PI4K2B: variants seen among roughly 807,000 people sequenced by gnomAD.
PI4K2B encodes phosphatidylinositol 4-kinase type 2 beta, also known as phosphatidylinositol 4-kinase type 2-beta.
PI4K2B carries 46 observed loss-of-function variants against 56.6 expected under a neutral mutation model. The ratio of observed to expected loss-of-function variants is 0.81; its 90% CI spans 0.64 to 1.04. The LOEUF is 1.04. Among genes scored for constraint, PI4K2B ranks in the 50% least tolerant of loss-of-function variants. PI4K2B has a pLI of 0.00. For missense variants in PI4K2B, 556 were observed against 607.7 expected, an observed-to-expected ratio of 0.91 and a Z score of 0.89; for synonymous variants, 211 against 223.8, an observed-to-expected ratio of 0.94 and a Z score of 0.51.
chr4:25,236,353 C>A (rs1016724526), intron 1 of PI4K2B, among the ~76,000 whole-genome samples: 1 of 152,076 alleles, frequency 6.6e-6, no homozygotes, highest in Non-Finnish European at 1.5e-5. Context: ...AGTTTTCAGA[C>A]CAGCCTGGCC....
At chr4:25,264,197 G>C (rs1463295111) in intron 7 of PI4K2B, among the ~76,000 whole-genome samples, 1 of 152,068 alleles carries the variant, frequency 6.6e-6, no homozygotes, top group Non-Finnish European at 1.5e-5. Context: ...AACAATTTAG[G>C]CCTGCCCTCC....
rs1215296162 is a variant in PI4K2B at position 25,278,263 on chromosome 4, T to C, written c.*1076T>C. On this transcript the variant is annotated 3_prime_UTR_variant, in exon 10 of 10. Transcript: ENST00000264864. ...TACTTTATTTTGAATATCATCCATATGTCTGACATTATTGGAATTTGTAAC... is the reference window on the plus strand; with the variant it reads ...TACTTTATTTTGAATATCATCCATACGTCTGACATTATTGGAATTTGTAAC... 2 of 152,222 alleles carry C rather than the reference T, an allele frequency of 1.3e-5. No individual in the cohort carries two copies. The highest frequency in any genetic ancestry group is 3.2e-3 in the Middle Eastern group (1 of 316). 9.4% of individuals were successfully genotyped at this position (152,222 alleles called of 1,614,324 possible).
intron 1 of PI4K2B, among the ~76,000 whole-genome samples, chr4:25,244,095 G>A (rs1715656717): frequency 6.6e-6 from 1 of 152,142 alleles, no homozygotes; most frequent in South Asian, 2.1e-4. Context: ...GGACATCTAT[G>A]TACCTATCAG....
chr4:25,255,393 C>A (rs1716225832), intron 3 of PI4K2B, 128 bp downstream of exon 3: 1 of 701,754 alleles, frequency 1.4e-6, no homozygotes, highest in Non-Finnish European at 2.4e-6. Context: ...GTCCAAGAGT[C>A]ATGAGTGACT....
rs560517628 is a variant in PI4K2B, at chr4:25,247,808, A to G, written c.269-4513A>G. Reference sequence around the variant, plus strand: ...TGCCTTGAACTCCTGGGCACAAGTGATCCTCCCACCTTAGCCTCTTGAGTA... The same window carrying G: ...TGCCTTGAACTCCTGGGCACAAGTGGTCCTCCCACCTTAGCCTCTTGAGTA... On this transcript the variant is annotated intron_variant, in intron 1 of 9. Coordinates refer to ENST00000264864, the MANE Select transcript of PI4K2B (RefSeq NM_018323.4). 3.3e-3 allele frequency among the ~76,000 whole-genome samples: 505 copies of G among 152,128 alleles called. 3 individuals are homozygous for G. Among genetic ancestry groups the G allele is most frequent in the Non-Finnish European group, 5.2e-3 (354 of 67,996 alleles).
At chr4:25,242,741 G>C (rs964301976) in intron 1 of PI4K2B, among the ~76,000 whole-genome samples, 2 of 152,186 alleles carry the variant, frequency 1.3e-5, no homozygotes, top group African/African-American at 4.8e-5. Context: ...ACCAGATATT[G>C]CCTTTGGTAA....
intron 7 of PI4K2B, chr4:25,267,817 A>T (rs1716721493): frequency 2.1e-6 from 2 of 969,234 alleles, no homozygotes; most frequent in Non-Finnish European, 2.5e-6. Context: ...AAAATGACTC[A>T]CCCATTTACC....
chr4:25,248,645 G>C (rs1306486099), intron 1 of PI4K2B, among the ~76,000 whole-genome samples: 1 of 150,260 alleles, frequency 6.7e-6, no homozygotes, highest in Non-Finnish European at 1.5e-5. Flanking sequence ...AAATGATTTT[G>C]TACATAAAGT....
At chr4:25,260,493 A>T in intron 5 of PI4K2B, 31 bp from the exon 6 acceptor site, 1 of 1,011,182 alleles carries the variant, frequency 9.9e-7, no homozygotes, top group Non-Finnish European at 1.4e-6. Context: ...CATAGAAATG[A>T]AGTAACAGAT....
intron 1 of PI4K2B, among the ~76,000 whole-genome samples, chr4:25,237,340 T>C (rs1432704742): frequency 7.8e-5 from 1 of 12,804 alleles, no homozygotes; most frequent in African/African-American, 2.9e-4. Context: ...AGTACTATTT[T>C]TGTTTTTTTT....
chr4:25,267,916 C>T (rs1271028151), intron 7 of PI4K2B: 1 of 965,628 alleles, frequency 1.0e-6, no homozygotes, highest in Non-Finnish European at 1.2e-6. Context: ...CTAGGCAGAC[C>T]TCAGCTGTGG....
chr4:25,258,771 CT>C (rs1216614322), intron 4 of PI4K2B, among the ~76,000 whole-genome samples: 1 of 151,904 alleles, frequency 6.6e-6, no homozygotes, highest in African/African-American at 2.4e-5. Context: ...TGTGTTTATT[CT>C]TTTTTTAAAT....
At chr4:25,241,739 T>G (rs1188451816) in intron 1 of PI4K2B, among the ~76,000 whole-genome samples, 1 of 152,206 alleles carries the variant, frequency 6.6e-6, no homozygotes, top group African/African-American at 2.4e-5. Context: ...ACTACATCAG[T>G]TTCCTTACTT....
intron 7 of PI4K2B, among the ~76,000 whole-genome samples, chr4:25,267,570 T>C (rs1375451822): frequency 6.6e-6 from 1 of 152,198 alleles, no homozygotes; most frequent in East Asian, 1.9e-4. Context: ...AGATTTCTTC[T>C]TCAGGGCTTT....
intron 1 of PI4K2B, among the ~76,000 whole-genome samples, chr4:25,235,175 A>G (rs971922739): frequency 1.3e-5 from 2 of 152,188 alleles, no homozygotes; most frequent in Non-Finnish European, 2.9e-5. Context: ...GAGTTAGACA[A>G]ATGTGATGGA....
At chr4:25,257,821 G>A (rs1040687918) in intron 4 of PI4K2B, among the ~76,000 whole-genome samples, 3 of 152,154 alleles carry the variant, frequency 2.0e-5, no homozygotes, top group Non-Finnish European at 2.9e-5. Context: ...TGTGACTAAA[G>A]GAGGATGTTA....
At chr4:25,252,121 C>A (rs1716082008) in intron 1 of PI4K2B, among the ~76,000 whole-genome samples, 200 bp from the exon 2 acceptor site, 1 of 151,940 alleles carries the variant, frequency 6.6e-6, no homozygotes. Context: ...GCCACTGTGC[C>A]CGCCCCCGCC....
intron 6 of PI4K2B, 50 bp downstream of exon 6, chr4:25,260,641 T>TATACACAC (rs1553890274): frequency 4.3e-5 from 3 of 69,444 alleles, no homozygotes; most frequent in Non-Finnish European, 9.1e-5. Flanking sequence ...TATATATATA[T>TATACACAC]ACACACACAC....
intron 1 of PI4K2B, among the ~76,000 whole-genome samples, chr4:25,247,982 C>T (rs974660132): frequency 4.6e-5 from 7 of 152,142 alleles, no homozygotes; most frequent in Admixed American, 1.3e-4. Flanking sequence ...GGATTACAGG[C>T]GTGAGCCACT....
Sources: gnomAD v4.1 joint callset for allele counts (sites outside exome capture counted in the v4.1 genomes callset) on GRCh38, gnomAD v4.1.1 for gene constraint, MANE v1.5 for transcripts, NCBI Gene and HGNC (gene_info 2026-07-23, HGNC 2026-07-21) for gene names.